The following ZFYVE26 variants were observed in gnomAD, a reference collection of about 807,000 sequenced individuals.
The protein encoded by ZFYVE26 is zinc finger FYVE-type containing 26.
ZFYVE26 carries 181 observed loss-of-function variants against 276.5 expected under a neutral mutation model. That is an observed-to-expected ratio of 0.65 (90% CI 0.58 to 0.74). ZFYVE26 has a LOEUF of 0.74. Ranked by LOEUF, ZFYVE26 falls within the 30% of genes least tolerant of loss-of-function variation. The pLI, the probability that ZFYVE26 is intolerant of heterozygous loss-of-function variation, is 0.00. For synonymous variants in ZFYVE26, 1,129 were observed against 1,203.1 expected, an observed-to-expected ratio of 0.94 and a Z score of 1.27; for missense variants, 2,821 against 3,097.9, an observed-to-expected ratio of 0.91 and a Z score of 2.12.
At chr14:67,772,349 T>G in intron 27 of ZFYVE26, 139 bp from the exon 28 acceptor site, 1 of 1,037,264 alleles carries the variant, frequency 9.6e-7, no homozygotes. Context: ...AGTGACTGTT[T>G]GTGTCATAAA....
chr14:67,739,648 C>T lies in ZFYVE26; in HGVS notation n.2680-9829G>A, dbSNP rs891373604. On this transcript the variant is annotated intron_variant and non_coding_transcript_variant, in intron 13 of 14. Transcript: ENST00000394455. ...AACTTTTTCATTACATTTTTCTCCA[C>T]CCCCAAGTTCTGTCATCTTCCATTG... is the stretch of plus-strand genomic sequence containing the variant. Among the ~76,000 whole-genome samples, 8 of 152,248 alleles carry T rather than the reference C, an allele frequency of 5.3e-5. No individual in the cohort carries two copies. In the East Asian group the frequency reaches 1.2e-3, roughly 22 times the overall value.
chr14:67,815,680 AGTT>A (rs2040386916), intron 2 of ZFYVE26, 87 bp downstream of exon 2: 3 of 1,218,340 alleles, frequency 2.5e-6, no homozygotes, highest in Non-Finnish European at 2.4e-6. Flanking sequence ...TTCAGAGGGT[AGTT>A]GAGTGGGGGC....
intron 3 of ZFYVE26, among the ~76,000 whole-genome samples, chr14:67,812,101 C>T (rs923170920): frequency 2.0e-5 from 3 of 151,832 alleles, no homozygotes; most frequent in African/African-American, 7.3e-5. Context: ...TCTAAACTGC[C>T]TTTTTTCCCA....
In ZFYVE26 at chr14:67,768,509, G is replaced by A. The variant is rs1466360655; in HGVS notation, c.5653+8C>T. 1.1e-5 allele frequency: 17 copies of A among 1,613,868 alleles called. No homozygotes were observed. Among genetic ancestry groups the A allele is most frequent in the Non-Finnish European group, 1.4e-5 (16 of 1,179,890 alleles). On this transcript the variant is annotated splice_region_variant and intron_variant, in intron 30 of 41. Transcript: ENST00000347230. ...TGAAGAGTCACAGAGAACGGGATTT[G>A]GCCTTACCTTCTGGTTTTTCTGAAG...
chr14:67,768,567 A>C lies in ZFYVE26; in HGVS notation c.5622-19T>G. 1 of 1,613,702 alleles carries C rather than the reference A, an allele frequency of 6.2e-7. No individual in the cohort carries two copies. The highest frequency in any genetic ancestry group is 2.2e-5 in the East Asian group (1 of 44,876). On this transcript the variant is annotated intron_variant, in intron 29 of 41. Transcript: ENST00000347230. ...TGGTACACTGAAAACAGAGAAAGAA[A>C]AATTATTAAATAAATGCCTGAGTCA...
intron 6 of ZFYVE26, 128 bp from the exon 7 acceptor site, chr14:67,805,746 T>C: frequency 8.7e-7 from 1 of 1,148,680 alleles, no homozygotes; most frequent in Non-Finnish European, 1.3e-6. Flanking sequence ...CAGGAGTGGT[T>C]GGCTGGGCGT....
rs780487651 is a variant in ZFYVE26, at chr14:67,766,396, T to C, written c.5842A>G (p.Ile1948Val). 2 of 1,612,532 alleles carry C rather than the reference T, an allele frequency of 1.2e-6. No individual in the cohort carries two copies. The highest frequency in any genetic ancestry group is 1.1e-5 in the South Asian group (1 of 91,002). The change falls in exon 32 of 42, where the codon ATT becomes GTT. Residue 1948 changes from isoleucine to valine, a missense_variant. Ile to Val is a conservative substitution (Grantham distance 29). Transcript: ENST00000347230. ...TCAATCAGCTGGTGACCACAGGCAA[T>C]GCTGTCCCGGTGCAGATTCAGGATG... The part of the protein sequence containing the change: ...IAILNLHRDS[I>V]ACGHQLIEHC...
chr14:67,776,031 G>A lies in ZFYVE26; in HGVS notation c.5050C>T (p.Gln1684Ter), dbSNP rs2039333225. 1 of 1,614,234 alleles carries A rather than the reference G, an allele frequency of 6.2e-7. No homozygotes were observed. The highest frequency in any genetic ancestry group is 8.5e-7 in the Non-Finnish European group (1 of 1,180,042). The change falls in exon 26 of 42, where the codon CAG becomes TAG. Residue 1684 changes from glutamine to a stop codon, truncating the protein, a stop_gained. Transcript: ENST00000347230. LOFTEE classifies it high-confidence loss of function. ...LSSNPLFMLE[Q>*]LLMNMKVDWA... Reference sequence around the variant, plus strand: ...TCCACCTTCATGTTCATAAGCAGCTGCTCCAGCATGAACAGGGGGTTAGAG... The same window carrying A: ...TCCACCTTCATGTTCATAAGCAGCTACTCCAGCATGAACAGGGGGTTAGAG...
At chr14:67,761,999 TA>T (rs905916170) in intron 34 of ZFYVE26, 11 of 607,888 alleles carry the variant, frequency 1.8e-5, no homozygotes, top group Non-Finnish European at 2.3e-5. Flanking sequence ...CTCCTTTTTT[TA>T]AAAAAAATTA....
At chr14:67,745,107 T>C (rs1356711761), downstream of ZFYVE26, among the ~76,000 whole-genome samples, 2 of 152,252 alleles carry the variant, frequency 1.3e-5, no homozygotes, top group African/African-American at 4.8e-5. Context: ...ATTGCCATTC[T>C]AACTGGCGTG....
At chr14:67,736,831 T>G (rs1179448258) in intron 13 of ZFYVE26, among the ~76,000 whole-genome samples, 1 of 152,126 alleles carries the variant, frequency 6.6e-6, no homozygotes, top group Non-Finnish European at 1.5e-5. Context: ...GAGGGTGAAG[T>G]TGATCTGCGA....
In ZFYVE26 at chr14:67,787,836, T is replaced by C. The variant is rs2039696511; in HGVS notation, c.3019+1499A>G. Among the ~76,000 whole-genome samples, 3 of 152,150 alleles carry C rather than the reference T, an allele frequency of 2.0e-5. 1 individual carries two copies. The highest frequency in any genetic ancestry group is 4.1e-4 in the South Asian group (2 of 4,820). ...CTCAGAGGTGATTTGGAGGGGTGTA[T>C]AGAAAAGAGTTAAACAGCAGGCTTG... On this transcript the variant is annotated intron_variant, in intron 16 of 41. Coordinates refer to ENST00000347230, the MANE Select transcript of ZFYVE26 (RefSeq NM_015346.4).
At chr14:67,809,406 C>A in intron 3 of ZFYVE26, 117 bp from the exon 4 acceptor site, 4 of 237,768 alleles carry the variant, frequency 1.7e-5, no homozygotes, top group Non-Finnish European at 2.1e-5. Context: ...AGATGAAGCA[C>A]TCTTTTTTTT....
Position 67,766,354 on chromosome 14 carries a change from A to ATT in ZFYVE26, c.5883_5884insAA (p.Ser1962AsnfsTer19), listed in dbSNP as rs1734886419. On this transcript the variant is annotated frameshift_variant, in exon 32 of 42. Coordinates refer to ENST00000347230, the MANE Select transcript of ZFYVE26 (RefSeq NM_015346.4). LOFTEE classifies it high-confidence loss of function. Reference sequence around the variant, plus strand: ...ACCTCTGGGTTGGTGAGGCCCTTGGAGAGCCTGCAGCAGTGCTCAATCAGC... The same window carrying ATT: ...ACCTCTGGGTTGGTGAGGCCCTTGGATTGAGCCTGCAGCAGTGCTCAATCAGC... 6.2e-7 allele frequency: 1 copy of ATT among 1,613,044 alleles called. No individual in the cohort carries two copies. The highest frequency in any genetic ancestry group is 8.5e-7 in the Non-Finnish European group (1 of 1,180,026).
In ZFYVE26 at chr14:67,805,568, G is replaced by T. The variant is rs368231190; in HGVS notation, c.1068C>A (p.Cys356Ter). Reference sequence around the variant, plus strand: ...GGGGCCTGAATTCTCTATCAAGTAGGCAGCCAAGATTTGGGAAGTCTTCTT... The same window carrying T: ...GGGGCCTGAATTCTCTATCAAGTAGTCAGCCAAGATTTGGGAAGTCTTCTT... ...LKEEDFPNLGCLLDREFRPLS... is the reference protein window; with the variant it reads ...LKEEDFPNLG The change falls in exon 7 of 42, where the codon TGC becomes TGA. Residue 356 changes from cysteine to a stop codon, truncating the protein, a stop_gained. Transcript: ENST00000347230. LOFTEE classifies it high-confidence loss of function. 1.2e-6 allele frequency: 2 copies of T among 1,614,222 alleles called. No individual in the cohort carries two copies. The highest frequency in any genetic ancestry group is 1.7e-6 in the Non-Finnish European group (2 of 1,180,040).
intron 13 of ZFYVE26, among the ~76,000 whole-genome samples, chr14:67,735,664 C>G (rs2038343993): frequency 6.6e-6 from 1 of 152,188 alleles, no homozygotes; most frequent in Non-Finnish European, 1.5e-5. Flanking sequence ...CCAGACTTCC[C>G]TCCTAGGTGC....
chr14:67,749,458 T>C (rs151218319), intron 41 of ZFYVE26, among the ~76,000 whole-genome samples: 1 of 152,278 alleles, frequency 6.6e-6, no homozygotes, highest in Non-Finnish European at 1.5e-5. Flanking sequence ...CCTTCCTTTC[T>C]GGCCCTGGTC....
chr14:67,809,782 CTTTT>C (rs58842467), intron 3 of ZFYVE26, among the ~76,000 whole-genome samples: 67,988 of 119,916 alleles, frequency 0.57, 18,833 homozygotes, highest in East Asian at 0.83. Context: ...ATTCTTTTCT[CTTTT>C]TTTTTTTTTT....
chr14:67,777,858 CTTTT>C, intron 24 of ZFYVE26, 123 bp from the exon 25 acceptor site: 1 of 1,087,482 alleles, frequency 9.2e-7, no homozygotes, highest in Non-Finnish European at 1.3e-6. Context: ...CTCTATACTC[CTTTT>C]TTTTTTTAAC....
Sources: allele counts gnomAD v4.1 joint callset (sites outside exome capture counted in the v4.1 genomes callset), GRCh38; gene constraint gnomAD v4.1.1; transcripts MANE v1.5; gene names NCBI Gene and HGNC (gene_info 2026-07-23, HGNC 2026-07-21).